The following PTK2 variants were observed in gnomAD, a reference collection of about 807,000 sequenced individuals.
PTK2 encodes the protein focal adhesion kinase 1.
In PTK2, 45 loss-of-function variants were observed where a neutral mutation model predicts 150.1. The ratio of observed to expected loss-of-function variants is 0.30; its 90% CI spans 0.24 to 0.38. The LOEUF is 0.38. PTK2 is among the 10% of genes least tolerant of loss of function. PTK2 has a pLI of 1.00. For synonymous variants in PTK2, 432 were observed against 449.2 expected (o/e 0.96, Z 0.48); for missense variants, 919 against 1,307.3 (o/e 0.70, Z 4.58).
intron 2 of PTK2, chr8:140,921,009 G>A: frequency 7.7e-7 from 1 of 1,299,296 alleles, no homozygotes; most frequent in Non-Finnish European, 9.7e-7. Flanking sequence ...GCAAGACTAA[G>A]GTTCCCCTGT....
chr8:140,869,626 A>G (rs2154606407), intron 4 of PTK2, among the ~76,000 whole-genome samples: 1 of 152,310 alleles, frequency 6.6e-6, no homozygotes, highest in East Asian at 1.9e-4. Context: ...TCAGGATATC[A>G]GTTACCTCCG....
chr8:140,902,390 C>G (rs575821274), intron 2 of PTK2, among the ~76,000 whole-genome samples: 2 of 152,280 alleles, frequency 1.3e-5, no homozygotes, highest in East Asian at 3.9e-4. Context: ...GGTTCCAAGT[C>G]TTTGCTACTG....
chr8:140,975,057 T>C lies in PTK2; in HGVS notation c.-122+26068A>G, dbSNP rs146772663. The stretch of plus-strand genomic sequence containing the variant: ...ACTCTCCATTTCCTCAGTTGTGCCC[T>C]TAAGTCCTTCATTTATATGTACAAC... On this transcript the variant is annotated intron_variant, in intron 1 of 31. Coordinates refer to ENST00000522684, the Ensembl canonical transcript of PTK2. Among the ~76,000 whole-genome samples, 32 of 152,314 alleles carry C rather than the reference T, an allele frequency of 2.1e-4. No homozygotes were observed. The East Asian group carries it at 6.2e-3, about 29-fold the overall frequency.
chr8:140,886,988 C>A (rs1411567352), intron 3 of PTK2, among the ~76,000 whole-genome samples: 2 of 152,186 alleles, frequency 1.3e-5, no homozygotes, highest in African/African-American at 4.8e-5. Context: ...TCTAGATTGA[C>A]CCCACACTTA....
At chr8:140,828,281 G>C (rs1257467004) in intron 8 of PTK2, among the ~76,000 whole-genome samples, 1 of 152,180 alleles carries the variant, frequency 6.6e-6, no homozygotes, top group Non-Finnish European at 1.5e-5. Context: ...AAGAGTAGGA[G>C]AGGGAACATT....
chr8:140,733,454 A>G (rs902394782), intron 22 of PTK2, among the ~76,000 whole-genome samples: 1 of 152,142 alleles, frequency 6.6e-6, no homozygotes, highest in Non-Finnish European at 1.5e-5. Context: ...AATTTGGTTA[A>G]TATTCATGGT....
intron 1 of PTK2, among the ~76,000 whole-genome samples, chr8:141,000,637 T>A (rs1040493220): frequency 2.2e-4 from 22 of 100,346 alleles, no homozygotes; most frequent in African/African-American, 7.0e-4. Flanking sequence ...CTCAGGCCCC[T>A]CGGCCTCTCC....
At chr8:140,698,229 C>A (rs1395913349) in intron 26 of PTK2, among the ~76,000 whole-genome samples, 1 of 152,082 alleles carries the variant, frequency 6.6e-6, no homozygotes, top group Non-Finnish European at 1.5e-5. Context: ...TGGTAGCAAA[C>A]CCTTTGTCCA....
At chr8:140,846,383 G>C in intron 6 of PTK2, 61 bp from the exon 7 acceptor site, 20 of 1,519,530 alleles carry the variant, frequency 1.3e-5, no homozygotes, top group Non-Finnish European at 1.8e-5. Context: ...GTTGTTAAGT[G>C]ATAAAAACTG....
At chr8:140,982,700 C>G (rs1337736210) in intron 1 of PTK2, among the ~76,000 whole-genome samples, 2 of 152,136 alleles carry the variant, frequency 1.3e-5, no homozygotes, top group African/African-American at 4.8e-5. Flanking sequence ...CCTTCCCTAT[C>G]TTTTTTAAAG....
At chr8:140,783,834 A>C (rs2100083240) in intron 14 of PTK2, among the ~76,000 whole-genome samples, 1 of 152,214 alleles carries the variant, frequency 6.6e-6, no homozygotes, top group African/African-American at 2.4e-5. Flanking sequence ...GAAAATTAAA[A>C]ATTTATTTAA....
chr8:140,797,604 T>C lies in PTK2; in HGVS notation c.1093+2855A>G, dbSNP rs1027341290. Among the ~76,000 whole-genome samples, 99 of 152,198 alleles carry C rather than the reference T, an allele frequency of 6.5e-4. 2 individuals carry two copies. The highest frequency in any genetic ancestry group is 6.5e-3 in the Admixed American group (99 of 15,272). ...TTACAATTATGTAATTACAACTCTATATTACACTATACACTTTCCTCTGAA... is the reference window on the plus strand; with the variant it reads ...TTACAATTATGTAATTACAACTCTACATTACACTATACACTTTCCTCTGAA... On this transcript the variant is annotated intron_variant, in intron 12 of 31. Coordinates refer to ENST00000522684, the Ensembl canonical transcript of PTK2.
At chr8:140,871,432 A>AT (rs555698930) in intron 4 of PTK2, among the ~76,000 whole-genome samples, 90 of 152,336 alleles carry the variant, frequency 5.9e-4, no homozygotes, top group African/African-American at 2.1e-3. Flanking sequence ...TTAATTATGC[A>AT]TATCTTTGTC....
Position 140,701,026 on chromosome 8 carries a change from G to C in PTK2, c.2368-4C>G. ...GCAGGTCCAATACTGTAGAGTCCTG[G>C]AAGAAGGGTTGAAAACAGCATATTC... is the stretch of plus-strand genomic sequence containing the variant. On this transcript the variant is annotated splice_region_variant and splice_polypyrimidine_tract_variant and intron_variant, in intron 25 of 31. Coordinates refer to ENST00000522684, the Ensembl canonical transcript of PTK2. 1 of 1,613,062 alleles carries C rather than the reference G, an allele frequency of 6.2e-7. No homozygotes were observed. Among genetic ancestry groups the C allele is most frequent in the African/African-American group, 1.3e-5 (1 of 75,004 alleles).
chr8:140,772,078 C>T (rs1310730664), intron 14 of PTK2, among the ~76,000 whole-genome samples: 10 of 152,030 alleles, frequency 6.6e-5, no homozygotes, highest in Non-Finnish European at 8.8e-5. Flanking sequence ...CATAAGCCAC[C>T]GCGCCCGGCC....
intron 27 of PTK2, among the ~76,000 whole-genome samples, chr8:140,681,505 C>T (rs1490241312): frequency 6.6e-6 from 1 of 152,152 alleles, no homozygotes; most frequent in East Asian, 1.9e-4. Flanking sequence ...GGCGCGGTGG[C>T]TCACGCCTGG....
intron 2 of PTK2, among the ~76,000 whole-genome samples, chr8:140,900,760 C>T (rs1282910405): frequency 2.0e-5 from 3 of 151,778 alleles, no homozygotes; most frequent in African/African-American, 4.8e-5. Context: ...AGAGGACACA[C>T]ATACACAAGT....
chr8:140,694,535 T>C lies in PTK2; in HGVS notation c.2499+6356A>G, dbSNP rs907317865. ...TCCATGCAGTCTGAGAAGCCCTGTA[T>C]TGGAAGTTTCCTTGGCCTAACAGGA... is the stretch of plus-strand genomic sequence containing the variant. On this transcript the variant is annotated intron_variant, in intron 26 of 31. Transcript: ENST00000522684. Among the ~76,000 whole-genome samples the C allele has an allele frequency of 4.6e-5, 7 of 152,278 alleles. No individual in the cohort carries two copies. In the South Asian group the frequency reaches 1.5e-3, roughly 32 times the overall value.
intron 1 of PTK2, among the ~76,000 whole-genome samples, chr8:140,999,539 G>C (rs1202579647): frequency 1.3e-5 from 2 of 152,134 alleles, no homozygotes; most frequent in Non-Finnish European, 2.9e-5. Flanking sequence ...ATATCATAGG[G>C]CTTTTCTAAT....
Sources: allele counts gnomAD v4.1 joint callset (sites outside exome capture counted in the v4.1 genomes callset), GRCh38; gene constraint gnomAD v4.1.1; transcripts MANE v1.5; gene names NCBI Gene and HGNC (gene_info 2026-07-23, HGNC 2026-07-21).